FSTL5: variants seen among roughly 807,000 people sequenced by gnomAD.
FSTL5 encodes the protein follistatin-related protein 5.
FSTL5 carries 62 observed loss-of-function variants against 89.1 expected under a neutral mutation model. The observed-to-expected ratio is 0.70, with a 90% CI of 0.57 to 0.86. The LOEUF (loss-of-function observed/expected upper bound fraction) is 0.86. FSTL5 is among the 40% of genes least tolerant of loss of function. The probability of loss-of-function intolerance (pLI) is 0.00; values close to 1 mark genes in which losing one functional copy is unlikely to be tolerated. For synonymous variants in FSTL5, 383 were observed against 346.2 expected, an observed-to-expected ratio of 1.11 and a Z score of -1.18; for missense variants, 1,057 against 1,001.6, an observed-to-expected ratio of 1.06 and a Z score of -0.75.
At chr4:161,988,078 G>A (rs1466440262) in intron 3 of FSTL5, among the ~76,000 whole-genome samples, 2 of 149,090 alleles carry the variant, frequency 1.3e-5, no homozygotes, top group Non-Finnish European at 3.0e-5. Context: ...AAAAAAAACA[G>A]AGAAAAGTAA....
intron 1 of FSTL5, among the ~76,000 whole-genome samples, chr4:162,116,866 G>A (rs1731663441): frequency 6.6e-6 from 1 of 152,148 alleles, no homozygotes; most frequent in African/African-American, 2.4e-5. Context: ...CTTTTCAGAG[G>A]TAAGTCCAAC....
chr4:161,508,338 AAAC>A (rs1281635248), intron 11 of FSTL5, among the ~76,000 whole-genome samples: 3 of 152,288 alleles, frequency 2.0e-5, no homozygotes, highest in South Asian at 2.1e-4. Flanking sequence ...CTATTACAAG[AAAC>A]AACAAGTACT....
intron 15 of FSTL5, among the ~76,000 whole-genome samples, chr4:161,391,057 T>G (rs1203462413): frequency 2.0e-5 from 3 of 152,168 alleles, no homozygotes; most frequent in Non-Finnish European, 4.4e-5. Context: ...TTAGGTGTAT[T>G]TGAGGAATGG....
At chr4:161,693,756 AG>A (rs941782203) in intron 6 of FSTL5, among the ~76,000 whole-genome samples, 2 of 145,924 alleles carry the variant, frequency 1.4e-5, no homozygotes, top group African/African-American at 5.1e-5. Flanking sequence ...CTCCTGCCTC[AG>A]CCTCCCGAGT....
At chr4:161,623,348 T>C (rs542137677) in intron 7 of FSTL5, among the ~76,000 whole-genome samples, 9 of 152,156 alleles carry the variant, frequency 5.9e-5, no homozygotes, top group Admixed American at 5.9e-4. Context: ...GCAGATGTTA[T>C]CACTATTTAA....
intron 13 of FSTL5, among the ~76,000 whole-genome samples, chr4:161,476,151 T>C (rs184298582): frequency 9.9e-4 from 149 of 150,062 alleles, no homozygotes; most frequent in African/African-American, 3.4e-3. Context: ...GATCAGATTC[T>C]TCTCCTTCTT....
At chr4:161,903,290 A>C (rs1246654466) in intron 4 of FSTL5, among the ~76,000 whole-genome samples, 1 of 152,074 alleles carries the variant, frequency 6.6e-6, no homozygotes, top group Admixed American at 6.6e-5. Context: ...ATTCAAATAT[A>C]ATTTTCATTT....
rs1328500370 is a variant in FSTL5 at position 161,880,071 on chromosome 4, T to C, written c.409+40333A>G. ...CAAGCCCCTTTTTTGAGATATTCCA[T>C]GTTTTCCATACATTCACACTTTCCA... On this transcript the variant is annotated intron_variant, in intron 4 of 15. Coordinates refer to ENST00000306100, the MANE Select transcript of FSTL5 (RefSeq NM_020116.5). Among the ~76,000 whole-genome samples the C allele has an allele frequency of 3.9e-5, 6 of 152,292 alleles. No homozygotes were observed. In the East Asian group the frequency reaches 1.2e-3, roughly 29 times the overall value.
At chr4:161,640,919 A>C (rs1200211416) in intron 7 of FSTL5, among the ~76,000 whole-genome samples, 1 of 146,810 alleles carries the variant, frequency 6.8e-6, no homozygotes, top group East Asian at 1.9e-4. Context: ...ACAGCAATGA[A>C]TCACATACAA....
intron 4 of FSTL5, among the ~76,000 whole-genome samples, chr4:161,793,900 T>C (rs1192238544): frequency 6.6e-6 from 1 of 152,180 alleles, no homozygotes; most frequent in Non-Finnish European, 1.5e-5. Context: ...TGAGCCACTG[T>C]GCCTGGCCAA....
intron 6 of FSTL5, among the ~76,000 whole-genome samples, chr4:161,709,558 T>C (rs1239506257): frequency 6.6e-6 from 1 of 152,132 alleles, no homozygotes; most frequent in East Asian, 1.9e-4. Flanking sequence ...CTCAGCATTT[T>C]GGGAGGCCGA....
At chr4:162,113,634 A>T (rs1020287403) in intron 1 of FSTL5, among the ~76,000 whole-genome samples, 1 of 151,988 alleles carries the variant, frequency 6.6e-6, no homozygotes, top group African/African-American at 2.4e-5. Context: ...TCTAGATATC[A>T]CCTCCTGCGA....
In FSTL5 at chr4:161,563,302, G is replaced by A. The variant is rs929487593; in HGVS notation, c.1016-20609C>T. 7.9e-5 allele frequency among the ~76,000 whole-genome samples: 12 copies of A among 151,914 alleles called. 1 individual carries two copies. The South Asian group carries it at 8.3e-4, about 11-fold the overall frequency. On this transcript the variant is annotated intron_variant, in intron 8 of 15. Transcript: ENST00000306100. ...TTGAGATCTTATTTTGAAAACTTCTGGCTATATATCCAGAAGTGGAACTGC... is the reference window on the plus strand; with the variant it reads ...TTGAGATCTTATTTTGAAAACTTCTAGCTATATATCCAGAAGTGGAACTGC...
chr4:161,609,330 TA>T (rs1734562694), intron 7 of FSTL5, among the ~76,000 whole-genome samples: 1 of 152,200 alleles, frequency 6.6e-6, no homozygotes, highest in African/African-American at 2.4e-5. Context: ...CTAGATTTAT[TA>T]CTAAGCGATA....
intron 10 of FSTL5, among the ~76,000 whole-genome samples, chr4:161,524,346 T>C (rs1025630857): frequency 6.6e-6 from 1 of 152,060 alleles, no homozygotes; most frequent in Admixed American, 6.6e-5. Flanking sequence ...CATGCCTCCC[T>C]AGAATGTAAA....
intron 11 of FSTL5, among the ~76,000 whole-genome samples, chr4:161,509,195 C>T (rs1730574906): frequency 6.6e-6 from 1 of 151,994 alleles, no homozygotes; most frequent in South Asian, 2.1e-4. Flanking sequence ...CCCAGCTACT[C>T]GGGAGGCTAA....
chr4:161,429,597 A>G (rs1434930317), intron 15 of FSTL5, among the ~76,000 whole-genome samples: 2 of 152,200 alleles, frequency 1.3e-5, no homozygotes, highest in Non-Finnish European at 2.9e-5. Flanking sequence ...GACCTTATCT[A>G]AGACCACAAG....
intron 8 of FSTL5, among the ~76,000 whole-genome samples, chr4:161,579,731 C>CAAAAAA (rs33926609): frequency 1.0e-5 from 1 of 98,828 alleles, no homozygotes; most frequent in Admixed American, 1.1e-4. Context: ...CAAAAACAAA[C>CAAAAAA]AAAAAAAAAA....
chr4:161,475,012 A>T (rs991764524), intron 13 of FSTL5, among the ~76,000 whole-genome samples: 19 of 148,380 alleles, frequency 1.3e-4, no homozygotes, highest in Non-Finnish European at 2.5e-4. Flanking sequence ...TGTGGGATAT[A>T]GGATCCTTGA....
Sources: gnomAD v4.1 joint callset for allele counts (sites outside exome capture counted in the v4.1 genomes callset) on GRCh38, gnomAD v4.1.1 for gene constraint, MANE v1.5 for transcripts, NCBI Gene and HGNC (gene_info 2026-07-23, HGNC 2026-07-21) for gene names.